The following ABCB1 variants were observed in gnomAD, a reference collection of about 807,000 sequenced individuals.
ABCB1 encodes ATP binding cassette subfamily B member 1.
A neutral mutation model predicts 142.0 loss-of-function variants in ABCB1; 69 were observed. That is an observed-to-expected ratio of 0.49 (90% CI 0.40 to 0.59). ABCB1 has a LOEUF of 0.59. Ranked by LOEUF, ABCB1 falls within the 20% of genes least tolerant of loss-of-function variation. The pLI is 0.00. For missense variants in ABCB1, 1,326 were observed against 1,554.7 expected (o/e 0.85, Z 2.47); for synonymous variants, 532 against 539.2 (o/e 0.99, Z 0.18).
At chr7:87,540,134 A>T (rs1355033825) in intron 18 of ABCB1, among the ~76,000 whole-genome samples, 1 of 152,234 alleles carries the variant, frequency 6.6e-6, no homozygotes, top group East Asian at 1.9e-4. Context: ...TCTATTTTTT[A>T]AAAATGTAAT....
At chr7:87,639,662 A>C (rs577165639) in intron 1 of ABCB1, among the ~76,000 whole-genome samples, 1 of 152,262 alleles carries the variant, frequency 6.6e-6, no homozygotes, top group East Asian at 1.9e-4. Context: ...TAATAATGCT[A>C]GTGCCTTAAA....
At chr7:87,569,449 G>C (rs1309927589) in intron 5 of ABCB1, among the ~76,000 whole-genome samples, 3 of 151,798 alleles carry the variant, frequency 2.0e-5, no homozygotes, top group African/African-American at 4.8e-5. Context: ...TCTGTTATAA[G>C]CTGTTCTGGA....
chr7:87,666,595 A>C (rs1585044328), intron 1 of ABCB1, among the ~76,000 whole-genome samples: 1 of 151,840 alleles, frequency 6.6e-6, no homozygotes. Flanking sequence ...TTTCCTATGT[A>C]AACTTCCATG....
intron 1 of ABCB1, among the ~76,000 whole-genome samples, chr7:87,692,085 A>G (rs1404352277): frequency 6.6e-6 from 1 of 152,192 alleles, no homozygotes; most frequent in Non-Finnish European, 1.5e-5. Flanking sequence ...AAATTTTCCC[A>G]TGGTCTTTCA....
intron 4 of ABCB1, among the ~76,000 whole-genome samples, chr7:87,572,084 C>G (rs1258190604): frequency 1.3e-5 from 2 of 152,132 alleles, no homozygotes; most frequent in Non-Finnish European, 2.9e-5. Flanking sequence ...TCTTCTGCTC[C>G]ACGTTTTCAA....
At chr7:87,678,107 AAG>A (rs1826561697) in intron 1 of ABCB1, among the ~76,000 whole-genome samples, 4 of 152,252 alleles carry the variant, frequency 2.6e-5, no homozygotes, top group Admixed American at 2.6e-4. Context: ...TGAATGAAGA[AAG>A]AGCAACAGAA....
intron 20 of ABCB1, among the ~76,000 whole-genome samples, chr7:87,536,166 T>A (rs890111968): frequency 6.6e-6 from 1 of 152,208 alleles, no homozygotes; most frequent in Non-Finnish European, 1.5e-5. Flanking sequence ...TGTTTTATGT[T>A]GATTGAGCAC....
At chr7:87,656,319 A>C (rs1824097857) in intron 1 of ABCB1, among the ~76,000 whole-genome samples, 5 of 152,110 alleles carry the variant, frequency 3.3e-5, no homozygotes, top group Admixed American at 3.3e-4. Flanking sequence ...CAAAGAAAAA[A>C]GAAGAAAGAA....
chr7:87,623,962 T>G (rs1318712884), intron 1 of ABCB1, among the ~76,000 whole-genome samples: 1 of 152,234 alleles, frequency 6.6e-6, no homozygotes, highest in Non-Finnish European at 1.5e-5. Context: ...TCCCACTGAC[T>G]TTTTACTCAC....
At chr7:87,595,191 T>G (rs1289216235) in intron 3 of ABCB1, among the ~76,000 whole-genome samples, 1 of 151,912 alleles carries the variant, frequency 6.6e-6, no homozygotes, top group African/African-American at 2.4e-5. Context: ...GAAAATGAAA[T>G]AAAGAGTTAC....
intron 1 of ABCB1, among the ~76,000 whole-genome samples, chr7:87,695,834 C>T (rs1437738944): frequency 6.6e-6 from 1 of 152,038 alleles, no homozygotes; most frequent in Non-Finnish European, 1.5e-5. Context: ...AAACAAAACA[C>T]AGACATATTG....
chr7:87,574,957 A>C (rs1818212976), intron 4 of ABCB1, among the ~76,000 whole-genome samples: 1 of 152,144 alleles, frequency 6.6e-6, no homozygotes, highest in Admixed American at 6.6e-5. Flanking sequence ...ATATTCAAAA[A>C]ATTTACGAGT....
chr7:87,675,805 C>G (rs1826295699), intron 1 of ABCB1, among the ~76,000 whole-genome samples: 1 of 151,736 alleles, frequency 6.6e-6, no homozygotes, highest in Non-Finnish European at 1.5e-5. Flanking sequence ...TGTAAAATTA[C>G]TAAAAGAAAA....
intron 1 of ABCB1, among the ~76,000 whole-genome samples, chr7:87,635,044 T>C (rs1317659784): frequency 1.3e-5 from 2 of 152,168 alleles, no homozygotes; most frequent in African/African-American, 2.4e-5. Context: ...AGTCCTTTAC[T>C]AGGGGGTATT....
chr7:87,594,870 A>T lies in ABCB1; in HGVS notation c.117+896T>A, dbSNP rs1036705098. On this transcript the variant is annotated intron_variant, in intron 3 of 27. Transcript: ENST00000622132. ...TAAAATCCATTTTGCAAGACAATCTATCCACTCCCTTACCTTAAAAAAATT... is the reference window on the plus strand; with the variant it reads ...TAAAATCCATTTTGCAAGACAATCTTTCCACTCCCTTACCTTAAAAAAATT... Among the ~76,000 whole-genome samples the T allele has an allele frequency of 7.2e-5, 11 of 152,170 alleles. No individual in the cohort carries two copies. In the East Asian group the frequency reaches 7.7e-4, roughly 11 times the overall value.
intron 1 of ABCB1, among the ~76,000 whole-genome samples, chr7:87,681,192 A>T (rs574661479): frequency 6.6e-6 from 1 of 150,788 alleles, no homozygotes; most frequent in African/African-American, 2.5e-5. Flanking sequence ...ATCAGTATTT[A>T]AAACCTTCCA....
At chr7:87,628,584 CGTGTGTGTGTGTGTGTGTGTGTGT>C (rs71117546) in intron 1 of ABCB1, 41 of 290,648 alleles carry the variant, frequency 1.4e-4, no homozygotes, top group South Asian at 3.5e-4. Flanking sequence ...TGCGTGCGTG[CGTGTGTGTGTGTGTGTGTGTGTGT>C]GTGTGTGTGT....
intron 18 of ABCB1, among the ~76,000 whole-genome samples, chr7:87,539,965 C>T (rs888961294): frequency 1.3e-5 from 2 of 152,166 alleles, no homozygotes; most frequent in Non-Finnish European, 1.5e-5. Context: ...CCTCCAAACA[C>T]CTGTGGTATT....
At chr7:87,533,847 T>C (rs61694632) in intron 20 of ABCB1, among the ~76,000 whole-genome samples, 4,065 of 152,304 alleles carry the variant, frequency 0.027, 192 homozygotes, top group African/African-American at 0.092. Context: ...TTTGCCAACC[T>C]GCTCATTTCC....
Sources: allele counts gnomAD v4.1 joint callset (sites outside exome capture counted in the v4.1 genomes callset), GRCh38; gene constraint gnomAD v4.1.1; transcripts MANE v1.5; gene names NCBI Gene and HGNC (gene_info 2026-07-23, HGNC 2026-07-21).